The following GAPVD1 variants were observed in gnomAD, a reference collection of about 807,000 sequenced individuals.
The protein encoded by GAPVD1 is GTPase activating protein and VPS9 domains 1.
Under a neutral mutation model 155.5 loss-of-function variants are expected in GAPVD1, and 35 were observed. That is an observed-to-expected ratio of 0.23 (90% CI 0.17 to 0.30). The LOEUF is 0.30. Ranked by LOEUF, GAPVD1 falls within the 10% of genes least tolerant of loss-of-function variation. The probability of loss-of-function intolerance (pLI) is 1.00; values close to 1 mark genes in which losing one functional copy is unlikely to be tolerated. For synonymous variants in GAPVD1, 636 were observed against 619.7 expected, an observed-to-expected ratio of 1.03 and a Z score of -0.39; for missense variants, 1,429 against 1,775.7, an observed-to-expected ratio of 0.80 and a Z score of 3.51.
At chr9:125,274,715 G>A (rs920615593) in intron 2 of GAPVD1, among the ~76,000 whole-genome samples, 4 of 152,144 alleles carry the variant, frequency 2.6e-5, no homozygotes, top group African/African-American at 9.7e-5. Flanking sequence ...ACCCACCTTG[G>A]CCTCCCAAAG....
chr9:125,311,563 A>G (rs1842692794), intron 8 of GAPVD1, among the ~76,000 whole-genome samples: 1 of 152,148 alleles, frequency 6.6e-6, no homozygotes, highest in African/African-American at 2.4e-5. Flanking sequence ...GGTGATCGCA[A>G]TGAGCCGAGA....
At chr9:125,266,646 C>CT (rs973582715) in intron 1 of GAPVD1, among the ~76,000 whole-genome samples, 13 of 151,476 alleles carry the variant, frequency 8.6e-5, no homozygotes, top group African/African-American at 7.3e-5. Context: ...GATATCTATA[C>CT]TTTTTTTTTG....
At chr9:125,310,609 G>A (rs1275106092) in intron 8 of GAPVD1, among the ~76,000 whole-genome samples, 42 of 147,830 alleles carry the variant, frequency 2.8e-4, no homozygotes, top group African/African-American at 1.0e-3. Context: ...GCGTGATCTC[G>A]GCTCACCGCA....
chr9:125,300,080 T>C (rs866548700), intron 4 of GAPVD1, among the ~76,000 whole-genome samples: 1 of 103,758 alleles, frequency 9.6e-6, no homozygotes, highest in South Asian at 3.2e-4. Context: ...TATATATATA[T>C]ATATATATAT....
At position 125,352,871 on chromosome 9, in the gene GAPVD1, C is replaced by T. The variant is rs147617973; in HGVS notation, c.3570-1783C>T. Among the ~76,000 whole-genome samples the T allele has an allele frequency of 4.6e-3, 706 of 152,236 alleles. 6 individuals are homozygous for T. The highest frequency in any genetic ancestry group is 0.014 in the Middle Eastern group (4 of 294). ...CCTGTAATCCTAGCACTTTGGGAGG[C>T]CAAGGCAGGTGGATCACCCGAGGTC... On this transcript the variant is annotated intron_variant, in intron 23 of 27. Transcript: ENST00000297933.
Position 125,365,309 on chromosome 9 carries a change from A to T in GAPVD1, c.*2563A>T, listed in dbSNP as rs1348901474. 1 of 141,430 alleles carries T rather than the reference A, an allele frequency of 7.1e-6. No individual in the cohort carries two copies. Among genetic ancestry groups the T allele is most frequent in the Non-Finnish European group, 1.5e-5 (1 of 66,238 alleles). 8.8% of individuals were successfully genotyped at this position (141,430 alleles called of 1,614,324 possible). A position where few individuals can be genotyped will look rare whatever the true frequency, so the allele number is the denominator to read the frequency against. On this transcript the variant is annotated 3_prime_UTR_variant, in exon 28 of 28. Coordinates refer to ENST00000297933, the MANE Select transcript of GAPVD1 (RefSeq NM_001282680.3). ...TTCTTGACAGGTATGTGAGATGGGG[A>T]GTGATTTGATTTTTTTTTTTTTTTT...
At chr9:125,282,954 A>G (rs1837020445) in intron 2 of GAPVD1, among the ~76,000 whole-genome samples, 1 of 152,090 alleles carries the variant, frequency 6.6e-6, no homozygotes, top group Admixed American at 6.6e-5. Context: ...ATTATTTCTG[A>G]AATTATTGGG....
intron 1 of GAPVD1, among the ~76,000 whole-genome samples, chr9:125,262,997 G>A (rs1409008932): frequency 1.3e-5 from 2 of 152,174 alleles, no homozygotes; most frequent in African/African-American, 4.8e-5. Context: ...CCCGCCGTTA[G>A]ACATTGTTAT....
At chr9:125,322,977 A>G (rs10986700) in intron 10 of GAPVD1, among the ~76,000 whole-genome samples, 76,540 of 149,294 alleles carry the variant, frequency 0.51, 19,706 homozygotes, top group Middle Eastern at 0.59. Context: ...TGCTTGAACC[A>G]GGGAGGCGGA....
At chr9:125,314,978 AG>A (rs1293090488) in intron 9 of GAPVD1, among the ~76,000 whole-genome samples, 5 of 151,890 alleles carry the variant, frequency 3.3e-5, no homozygotes, top group African/African-American at 1.2e-4. Flanking sequence ...TAGTAGAGAC[AG>A]GGTTTCACCA....
chr9:125,283,904 G>A (rs910115979), intron 2 of GAPVD1, among the ~76,000 whole-genome samples: 2 of 150,512 alleles, frequency 1.3e-5, no homozygotes, highest in Non-Finnish European at 2.9e-5. Context: ...ATGGAGTCTC[G>A]CTCTGTCACC....
intron 15 of GAPVD1, among the ~76,000 whole-genome samples, chr9:125,333,327 G>A (rs962300882): frequency 6.6e-6 from 1 of 151,884 alleles, no homozygotes; most frequent in African/African-American, 2.4e-5. Flanking sequence ...TGATCCACCT[G>A]CCTCGGCCTC....
In GAPVD1 at chr9:125,362,666, C is replaced by T; in HGVS notation, c.4303C>T (p.Leu1435=). Reference sequence around the variant, plus strand: ...TATCAGTAGCTTTTATGCTAGCTGTCTGTCTGGAGAGGAGTCCTATTGGTG... The same window carrying T: ...TATCAGTAGCTTTTATGCTAGCTGTTTGTCTGGAGAGGAGTCCTATTGGTG... ...QYISSFYASC[L]SGEESYWWMQ... is the part of the protein sequence containing the mutation. Residue 1435 remains leucine, a synonymous_variant, in exon 28 of 28, where the codon CTG becomes TTG. Coordinates refer to ENST00000297933, the MANE Select transcript of GAPVD1 (RefSeq NM_001282680.3). 1 of 1,613,200 alleles carries T rather than the reference C, an allele frequency of 6.2e-7. No homozygotes were observed. Among genetic ancestry groups the T allele is most frequent in the Non-Finnish European group, 8.5e-7 (1 of 1,179,320 alleles).
At chr9:125,263,523 CTGT>C (rs1198948251) in intron 1 of GAPVD1, 15 of 816,004 alleles carry the variant, frequency 1.8e-5, no homozygotes, top group East Asian at 7.4e-5. Flanking sequence ...CTTAGAAGAA[CTGT>C]TGTTTTTTTT....
At chr9:125,312,307 G>A in intron 8 of GAPVD1, 145 bp from the exon 9 acceptor site, 1 of 570,742 alleles carries the variant, frequency 1.8e-6, no homozygotes, top group Non-Finnish European at 3.0e-6. Context: ...GTTTTGTTTT[G>A]TTTTGTTTTT....
At chr9:125,332,870 T>C (rs568095957) in intron 15 of GAPVD1, among the ~76,000 whole-genome samples, 10 of 152,338 alleles carry the variant, frequency 6.6e-5, no homozygotes, top group African/African-American at 2.2e-4. Flanking sequence ...GAAGATGTTC[T>C]TTATAATGTT....
At chr9:125,323,986 A>G in intron 11 of GAPVD1, 63 bp downstream of exon 11, 2 of 1,482,636 alleles carry the variant, frequency 1.3e-6, no homozygotes, top group Non-Finnish European at 1.9e-6. Context: ...CAAGATGAGC[A>G]GTGTGTTTTC....
intron 12 of GAPVD1, among the ~76,000 whole-genome samples, chr9:125,327,599 G>GTTTA (rs986328331): frequency 4.6e-5 from 7 of 152,070 alleles, no homozygotes; most frequent in Non-Finnish European, 1.5e-5. Context: ...TGCCTCCCTG[G>GTTTA]TTTAAGTGAT....
At position 125,317,752 on chromosome 9, in the gene GAPVD1, C is replaced by T. The variant is rs556406658; in HGVS notation, c.1603-3681C>T. On this transcript the variant is annotated intron_variant, in intron 9 of 27. Transcript: ENST00000297933. ...TATACTTAAAGAGCTATGGAAACCA[C>T]GGACAAAGAACTAAAGAAAACCAAG... Among the ~76,000 whole-genome samples the T allele has an allele frequency of 4.0e-5, 6 of 150,040 alleles. No homozygotes were observed. The East Asian group carries it at 9.7e-4, about 24-fold the overall frequency.
Sources: gnomAD v4.1 joint callset for allele counts (sites outside exome capture counted in the v4.1 genomes callset) on GRCh38, gnomAD v4.1.1 for gene constraint, MANE v1.5 for transcripts, NCBI Gene and HGNC (gene_info 2026-07-23, HGNC 2026-07-21) for gene names.